The following ACOT7 variants were observed in gnomAD, a reference collection of about 807,000 sequenced individuals.
The protein encoded by ACOT7 is acyl-CoA thioesterase 7, also known as cytosolic acyl coenzyme A thioester hydrolase.
ACOT7 carries 12 observed loss-of-function variants against 40.2 expected under a neutral mutation model. The observed-to-expected ratio is 0.30, with a 90% CI of 0.19 to 0.48. The LOEUF is 0.48. ACOT7 is among the 20% of genes least tolerant of loss of function. ACOT7 has a pLI of 0.99. For synonymous variants in ACOT7, 228 were observed against 219.5 expected, an observed-to-expected ratio of 1.04 and a Z score of -0.34; for missense variants, 395 against 530.8, an observed-to-expected ratio of 0.74 and a Z score of 2.51.
rs1298243821 is a variant in ACOT7 at position 6,301,211 on chromosome 1, G to A, written c.713-6231C>T. 6.6e-6 allele frequency among the ~76,000 whole-genome samples: 1 copy of A among 152,206 alleles called. No individual in the cohort carries two copies. The highest frequency in any genetic ancestry group is 2.4e-5 in the African/African-American group (1 of 41,450). On this transcript the variant is annotated intron_variant, in intron 6 of 8. Transcript: ENST00000361521. This position sits in a 1 kb window ranked among gnomAD's most constrained non-coding sequence, Gnocchi z 4.1. Reference sequence around the variant, plus strand: ...GTTGGATTTAATGTTCAGAACTTAGGAAGTGCCTACAATTAACCCCTTGTT... The same window carrying A: ...GTTGGATTTAATGTTCAGAACTTAGAAAGTGCCTACAATTAACCCCTTGTT...
chr1:6,270,873 G>A (rs1639013419), intron 8 of ACOT7, among the ~76,000 whole-genome samples: 1 of 152,182 alleles, frequency 6.6e-6, no homozygotes, highest in African/African-American at 2.4e-5. Flanking sequence ...AGGGCCAGAT[G>A]GCCCGGGGTC....
chr1:6,329,706 C>T (rs931139653), intron 4 of ACOT7, among the ~76,000 whole-genome samples: 8 of 152,124 alleles, frequency 5.3e-5, no homozygotes, highest in Non-Finnish European at 7.3e-5. Context: ...CTCTCACCCC[C>T]GAGAGCTCAT....
rs1038567920 is a variant in ACOT7, at chr1:6,299,331, G to A, written c.713-4351C>T. The stretch of plus-strand genomic sequence containing the variant: ...CACTAATTTAATTTAGGGCTTTGGG[G>A]ACAGATCTGAGGTTTGGAGGCTGAA... On this transcript the variant is annotated intron_variant, in intron 6 of 8. Coordinates refer to ENST00000361521, the MANE Select transcript of ACOT7 (RefSeq NM_007274.4). The surrounding 1 kb of genome is among the most constrained non-coding windows in gnomAD (Gnocchi z 4.1). 1.4e-4 allele frequency among the ~76,000 whole-genome samples: 22 copies of A among 152,224 alleles called. No homozygotes were observed. Among genetic ancestry groups the A allele is most frequent in the Admixed American group, 3.9e-4 (6 of 15,286 alleles).
At chr1:6,363,347 A>G (rs918425520) in intron 1 of ACOT7, among the ~76,000 whole-genome samples, 16 of 152,110 alleles carry the variant, frequency 1.1e-4, no homozygotes, top group Non-Finnish European at 2.2e-4. Flanking sequence ...TTAGCAGACC[A>G]GGAAAGGGAG....
intron 6 of ACOT7, among the ~76,000 whole-genome samples, chr1:6,303,468 A>T (rs1640026138): frequency 6.6e-6 from 1 of 152,216 alleles, no homozygotes; most frequent in Non-Finnish European, 1.5e-5. Flanking sequence ...TGGCTTAAAA[A>T]TAAGGCTTCA....
chr1:6,306,436 C>G lies in ACOT7; in HGVS notation c.713-11456G>C. Reference sequence around the variant, plus strand: ...TTGGACTGGAGTGATATGAACCCCACGCCCAGGCTTTCAGGGTTGACACCA... The same window carrying G: ...TTGGACTGGAGTGATATGAACCCCAGGCCCAGGCTTTCAGGGTTGACACCA... On this transcript the variant is annotated intron_variant, in intron 6 of 8. Coordinates refer to ENST00000361521, the MANE Select transcript of ACOT7 (RefSeq NM_007274.4). This position sits in a 1 kb window ranked among gnomAD's most constrained non-coding sequence, Gnocchi z 4.3. The G allele has an allele frequency of 1.0e-6, 1 of 985,302 alleles. No individual in the cohort carries two copies. The highest frequency in any genetic ancestry group is 1.2e-6 in the Non-Finnish European group (1 of 829,920). 61.0% of individuals were successfully genotyped at this position (985,302 alleles called of 1,614,324 possible).
rs554902363 is a variant in ACOT7 at position 6,286,301 on chromosome 1, G to A, written c.830-5015C>T. On this transcript the variant is annotated intron_variant, in intron 7 of 8. Coordinates refer to ENST00000361521, the MANE Select transcript of ACOT7 (RefSeq NM_007274.4). ...ATCAGTGCCCACCTAGGAGAGGTGT[G>A]GATGCTTGTTTAGTTCTGGGGAAGG... Among the ~76,000 whole-genome samples, 27 of 152,316 alleles carry A rather than the reference G, an allele frequency of 1.8e-4. No individual in the cohort carries two copies. In the East Asian group the frequency reaches 4.8e-3, roughly 27 times the overall value.
intron 6 of ACOT7, among the ~76,000 whole-genome samples, chr1:6,296,065 T>C (rs1468198385): frequency 6.6e-6 from 1 of 152,098 alleles, no homozygotes; most frequent in East Asian, 1.9e-4. Context: ...TTACCACACC[T>C]GGCTAATATT....
intron 1 of ACOT7, among the ~76,000 whole-genome samples, chr1:6,361,729 G>A (rs545021607): frequency 1.1e-4 from 16 of 152,156 alleles, no homozygotes; most frequent in African/African-American, 3.4e-4. Context: ...CCCAGGAGGC[G>A]GAGGTTGCAG....
chr1:6,372,553 G>GTTT (rs1642150602), intron 1 of ACOT7, among the ~76,000 whole-genome samples: 1 of 134,080 alleles, frequency 7.5e-6, no homozygotes, highest in African/African-American at 3.2e-5. Context: ...CTAACTTTTG[G>GTTT]CTTTTTTTTT....
intron 1 of ACOT7, among the ~76,000 whole-genome samples, chr1:6,390,310 C>A (rs1173042162): frequency 6.6e-6 from 1 of 152,342 alleles, no homozygotes; most frequent in East Asian, 1.9e-4. Context: ...GTGGCTCATG[C>A]CTGTAATTCT....
At chr1:6,283,140 C>A (rs772972729) in intron 7 of ACOT7, among the ~76,000 whole-genome samples, 1 of 152,202 alleles carries the variant, frequency 6.6e-6, no homozygotes, top group Non-Finnish European at 1.5e-5. Context: ...TGAACACTGG[C>A]TCTTAGTTTT....
chr1:6,279,387 G>C (rs1267273139), intron 8 of ACOT7, among the ~76,000 whole-genome samples: 1 of 152,204 alleles, frequency 6.6e-6, no homozygotes, highest in Admixed American at 6.5e-5. Flanking sequence ...GCAGGCAGCA[G>C]AGCCAGCCCT....
In ACOT7 at chr1:6,264,693, G is replaced by C. The variant is rs146498455; in HGVS notation, c.1017C>G (p.Pro339=). 1.2e-6 allele frequency: 2 copies of C among 1,612,970 alleles called. No homozygotes were observed. Among genetic ancestry groups the C allele is most frequent in the East Asian group, 2.2e-5 (1 of 44,872 alleles). ...GRSLPVPQLV[P]ETEDEKKRFE... is the part of the protein sequence containing the mutation. Reference sequence around the variant, plus strand: ...AGCGCTTCTTCTCGTCCTCGGTCTCGGGCTGTGGACCACACACAGAGACAG... The same window carrying C: ...AGCGCTTCTTCTCGTCCTCGGTCTCCGGCTGTGGACCACACACAGAGACAG... Residue 339 remains proline (P), a splice_region_variant and synonymous_variant, in exon 9 of 9, where the codon CCC becomes CCG. Coordinates refer to ENST00000361521, the MANE Select transcript of ACOT7 (RefSeq NM_007274.4).
At position 6,282,868 on chromosome 1, in the gene ACOT7, G is replaced by T; in HGVS notation, c.830-1582C>A. 9.0e-7 allele frequency: 1 copy of T among 1,113,268 alleles called. No individual in the cohort carries two copies. Among genetic ancestry groups the T allele is most frequent in the South Asian group, 1.3e-5 (1 of 77,164 alleles). The allele number at this position is 1,113,268 out of a possible 1,614,324, so 69.0% of individuals were successfully genotyped here. A position where few individuals can be genotyped will look rare whatever the true frequency, so the allele number is the denominator to read the frequency against. The stretch of plus-strand genomic sequence containing the variant: ...CACCCCGGGAGGAGGGCAGGCCATG[G>T]GTCAGGCCCCAGCTAAGGAGCTAGA... On this transcript the variant is annotated intron_variant, in intron 7 of 8. Transcript: ENST00000361521. This position sits in a 1 kb window ranked among gnomAD's most constrained non-coding sequence, Gnocchi z 4.5.
At position 6,339,603 on chromosome 1, in the gene ACOT7, GGCAGTTGTCA is replaced by G; in HGVS notation, c.262-24_262-15del. 1 of 1,609,378 alleles carries G rather than the reference GGCAGTTGTCA, an allele frequency of 6.2e-7. No individual in the cohort carries two copies. Among genetic ancestry groups the G allele is most frequent in the East Asian group, 2.2e-5 (1 of 44,732 alleles). ...CACACAGCGCTCCTGTGGAGACAGA[GGCAGTTGTCA>G]GCCCAGGTCAGCCAGCCCAGCCCCG... is the stretch of plus-strand genomic sequence containing the variant. On this transcript the variant is annotated splice_polypyrimidine_tract_variant and intron_variant, in intron 2 of 8. Coordinates refer to ENST00000361521, the MANE Select transcript of ACOT7 (RefSeq NM_007274.4).
In ACOT7 at chr1:6,278,939, G is replaced by A. The variant is rs1639277104; in HGVS notation, c.1014+2163C>T. Among the ~76,000 whole-genome samples, 1 of 152,216 alleles carries A rather than the reference G, an allele frequency of 6.6e-6. No individual in the cohort carries two copies. Among genetic ancestry groups the A allele is most frequent in the Admixed American group, 6.5e-5 (1 of 15,282 alleles). On this transcript the variant is annotated intron_variant, in intron 8 of 8. Coordinates refer to ENST00000361521, the MANE Select transcript of ACOT7 (RefSeq NM_007274.4). This position sits in a 1 kb window ranked among gnomAD's most constrained non-coding sequence, Gnocchi z 4.1. ...AGACAGAACTGGGAAAGTTTGTCCA[G>A]GAGGCAGGAAGAGGTAGGGGGCGGG...
chr1:6,284,910 T>C (rs1639461203), intron 7 of ACOT7, among the ~76,000 whole-genome samples: 1 of 152,232 alleles, frequency 6.6e-6, no homozygotes, highest in Non-Finnish European at 1.5e-5. Context: ...TGGTTCATCT[T>C]CTGAACCTCG....
chr1:6,360,754 C>T lies in ACOT7; in HGVS notation c.144-10888G>A, dbSNP rs1291391233. On this transcript the variant is annotated intron_variant, in intron 1 of 8. Transcript: ENST00000361521. ...ATACTGTGCCCTTTGGACTTGGCCT[C>T]ATCCCTCCAGGCGGGCATTGCTGCC... The T allele has an allele frequency of 8.9e-6, 14 of 1,576,440 alleles. No homozygotes were observed. In the South Asian group the frequency reaches 1.6e-4, roughly 18 times the overall value.
Sources: allele counts gnomAD v4.1 joint callset (sites outside exome capture counted in the v4.1 genomes callset), GRCh38; gene constraint gnomAD v4.1.1; non-coding constraint Gnocchi (gnomAD v3.1); transcripts MANE v1.5; gene names NCBI Gene and HGNC (gene_info 2026-07-23, HGNC 2026-07-21).